Variants in GRM7 observed in about 807,000 individuals in gnomAD.
GRM7 encodes the protein glutamate metabotropic receptor 7, also known as metabotropic glutamate receptor 7.
A neutral mutation model predicts 84.5 loss-of-function variants in GRM7; 35 were observed. That is an observed-to-expected ratio of 0.41 (90% CI 0.32 to 0.55). GRM7 has a LOEUF of 0.55. GRM7 is among the 20% of genes least tolerant of loss of function. The probability of loss-of-function intolerance (pLI) is 0.19; values close to 1 mark genes in which losing one functional copy is unlikely to be tolerated. For synonymous variants in GRM7, 487 were observed against 455.1 expected (o/e 1.07, Z -0.89); for missense variants, 1,003 against 1,194.6 (o/e 0.84, Z 2.36).
chr3:7,085,993 G>A (rs1029140358), intron 1 of GRM7, among the ~76,000 whole-genome samples: 3 of 152,074 alleles, frequency 2.0e-5, no homozygotes, highest in South Asian at 2.1e-4. Context: ...TAATGACTTG[G>A]CTTTGGGTTG....
chr3:7,703,574 T>C (rs1361776359), intron 9 of GRM7, among the ~76,000 whole-genome samples: 1 of 152,202 alleles, frequency 6.6e-6, no homozygotes, highest in Non-Finnish European at 1.5e-5. Flanking sequence ...TTATTTTAAT[T>C]GTGCCAATCT....
intron 1 of GRM7, among the ~76,000 whole-genome samples, chr3:6,914,942 C>T (rs533009292): frequency 1.4e-3 from 208 of 152,040 alleles, no homozygotes; most frequent in African/African-American, 4.7e-3. Context: ...ACAGCTAGGC[C>T]GATATTTTTG....
chr3:7,344,718 A>T (rs568028226), intron 4 of GRM7, among the ~76,000 whole-genome samples: 9 of 152,268 alleles, frequency 5.9e-5, no homozygotes, highest in African/African-American at 1.7e-4. Context: ...GAAAACTAAA[A>T]ATGTTGATTT....
chr3:7,346,864 C>T (rs1692917034), intron 4 of GRM7, among the ~76,000 whole-genome samples: 1 of 151,954 alleles, frequency 6.6e-6, no homozygotes, highest in Non-Finnish European at 1.5e-5. Context: ...CAAGAAATAC[C>T]ATAAGTCTTA....
At chr3:7,603,927 G>A (rs1025140569) in intron 8 of GRM7, among the ~76,000 whole-genome samples, 1 of 152,168 alleles carries the variant, frequency 6.6e-6, no homozygotes, top group Non-Finnish European at 1.5e-5. Flanking sequence ...AAATGGATGT[G>A]TAAATAGACA....
At chr3:7,617,270 A>G (rs1697133812) in intron 8 of GRM7, among the ~76,000 whole-genome samples, 1 of 152,166 alleles carries the variant, frequency 6.6e-6, no homozygotes, top group Non-Finnish European at 1.5e-5. Flanking sequence ...AGACTCATGC[A>G]TATGAGAAAG....
At chr3:7,219,164 G>T (rs116267736) in intron 2 of GRM7, among the ~76,000 whole-genome samples, 4 of 151,904 alleles carry the variant, frequency 2.6e-5, no homozygotes, top group African/African-American at 4.8e-5. Context: ...TTTTTTTCCC[G>T]ACTGCTAAAT....
At chr3:7,273,172 T>C (rs1698929768) in intron 2 of GRM7, among the ~76,000 whole-genome samples, 1 of 152,178 alleles carries the variant, frequency 6.6e-6, no homozygotes, top group African/African-American at 2.4e-5. Flanking sequence ...TTTTCTGTTA[T>C]TGATTTCAAG....
At chr3:7,352,777 TA>T (rs1216937421) in intron 4 of GRM7, among the ~76,000 whole-genome samples, 1 of 150,156 alleles carries the variant, frequency 6.7e-6, no homozygotes, top group Non-Finnish European at 1.5e-5. Flanking sequence ...CCTCCACCCA[TA>T]TGATATCAGT....
chr3:7,013,626 A>T (rs1695461077), intron 1 of GRM7, among the ~76,000 whole-genome samples: 2 of 152,128 alleles, frequency 1.3e-5, no homozygotes. Context: ...TTGAATTAAG[A>T]TCCAAATAAA....
intron 1 of GRM7, among the ~76,000 whole-genome samples, chr3:6,956,982 T>C (rs1449910184): frequency 6.6e-6 from 1 of 152,254 alleles, no homozygotes; most frequent in Admixed American, 6.5e-5. Flanking sequence ...TACATCATGC[T>C]GAATATCTAA....
intron 5 of GRM7, among the ~76,000 whole-genome samples, chr3:7,426,212 C>T (rs962116777): frequency 2.8e-4 from 43 of 151,838 alleles, no homozygotes; most frequent in African/African-American, 9.7e-4. Context: ...CTCTGTCTCC[C>T]GGGTTCAAGT....
chr3:7,503,076 T>C (rs182201146), intron 7 of GRM7, among the ~76,000 whole-genome samples: 2 of 152,280 alleles, frequency 1.3e-5, no homozygotes, highest in Admixed American at 1.3e-4. Context: ...CTGTGTCTAC[T>C]TACAATCACA....
At chr3:7,473,118 G>C (rs1466606894) in intron 7 of GRM7, among the ~76,000 whole-genome samples, 1 of 152,104 alleles carries the variant, frequency 6.6e-6, no homozygotes, top group Non-Finnish European at 1.5e-5. Flanking sequence ...TCCTGAGAAA[G>C]CTACCAAATT....
At chr3:7,049,434 C>A (rs779904410) in intron 1 of GRM7, among the ~76,000 whole-genome samples, 23 of 151,858 alleles carry the variant, frequency 1.5e-4, no homozygotes, top group Non-Finnish European at 2.6e-4. Flanking sequence ...TTATTCACTA[C>A]CATGAGAGCA....
chr3:7,107,757 A>G (rs1692705279), intron 1 of GRM7, among the ~76,000 whole-genome samples: 1 of 152,108 alleles, frequency 6.6e-6, no homozygotes, highest in Non-Finnish European at 1.5e-5. Context: ...TAGAGAAGAA[A>G]GGGTAGTCAT....
At chr3:7,112,531 T>G (rs1400125859) in intron 1 of GRM7, among the ~76,000 whole-genome samples, 3 of 152,082 alleles carry the variant, frequency 2.0e-5, no homozygotes, top group Non-Finnish European at 2.9e-5. Context: ...GCCTTATGAT[T>G]CTTAAAATGC....
chr3:7,522,415 C>G (rs1261599928), intron 7 of GRM7, among the ~76,000 whole-genome samples: 3 of 152,068 alleles, frequency 2.0e-5, no homozygotes, highest in African/African-American at 7.2e-5. Context: ...TCCATATGTA[C>G]CATCTTATCT....
chr3:7,546,342 G>A (rs1693148736), intron 7 of GRM7, among the ~76,000 whole-genome samples: 1 of 152,124 alleles, frequency 6.6e-6, no homozygotes, highest in Admixed American at 6.5e-5. Flanking sequence ...ACGGACACCT[G>A]ACCATGGCAG....
Sources: gnomAD v4.1 joint callset for allele counts (sites outside exome capture counted in the v4.1 genomes callset) on GRCh38, gnomAD v4.1.1 for gene constraint, MANE v1.5 for transcripts, NCBI Gene and HGNC (gene_info 2026-07-23, HGNC 2026-07-21) for gene names.